Variants in PTPRK observed in about 807,000 individuals in gnomAD.
PTPRK encodes receptor-type tyrosine-protein phosphatase kappa.
PTPRK carries 75 observed loss-of-function variants against 178.0 expected under a neutral mutation model. The ratio of observed to expected loss-of-function variants is 0.42; its 90% CI spans 0.35 to 0.51. The LOEUF (loss-of-function observed/expected upper bound fraction) is 0.51. Among genes scored for constraint, PTPRK ranks in the 20% least tolerant of loss-of-function variants. PTPRK has a pLI of 0.02. For synonymous variants in PTPRK, 637 were observed against 620.6 expected (o/e 1.03, Z -0.39); for missense variants, 1,441 against 1,797.8 (o/e 0.80, Z 3.59).
chr6:128,165,745 T>C (rs1394968010), intron 7 of PTPRK, among the ~76,000 whole-genome samples: 2 of 151,352 alleles, frequency 1.3e-5, no homozygotes, highest in African/African-American at 2.4e-5. Context: ...GTAATAAATT[T>C]ATCATAAATT....
chr6:128,470,741 ATCTC>A (rs942671494), intron 1 of PTPRK, among the ~76,000 whole-genome samples: 2 of 143,070 alleles, frequency 1.4e-5, no homozygotes, highest in East Asian at 4.3e-4. Flanking sequence ...AAGAAACAAT[ATCTC>A]TCTCTTTTTT....
intron 2 of PTPRK, among the ~76,000 whole-genome samples, chr6:128,341,117 ATG>A (rs1400940531): frequency 1.3e-5 from 2 of 152,224 alleles, no homozygotes; most frequent in Admixed American, 6.5e-5. Context: ...TGCTTATGGT[ATG>A]TGTTATTTGC....
At chr6:128,195,908 C>G (rs1804776427) in intron 6 of PTPRK, among the ~76,000 whole-genome samples, 1 of 152,014 alleles carries the variant, frequency 6.6e-6, no homozygotes, top group Admixed American at 6.6e-5. Flanking sequence ...TAGCAATTGT[C>G]CAAAATAGCC....
At position 128,089,670 on chromosome 6, in the gene PTPRK, A is replaced by G; in HGVS notation, c.1465+20T>C. ...TTGTTAGAGAATTCCCCCCTTTTAA[A>G]CAGCAAAGTATGAGCATACCATCTT... On this transcript the variant is annotated intron_variant, in intron 8 of 29. Coordinates refer to ENST00000368226, the MANE Select transcript of PTPRK (RefSeq NM_002844.4). The G allele has an allele frequency of 6.3e-7, 1 of 1,578,534 alleles. No homozygotes were observed. The highest frequency in any genetic ancestry group is 8.7e-7 in the Non-Finnish European group (1 of 1,148,924).
intron 3 of PTPRK, among the ~76,000 whole-genome samples, chr6:128,296,685 G>T (rs1176451529): frequency 6.6e-6 from 1 of 152,098 alleles, no homozygotes; most frequent in Non-Finnish European, 1.5e-5. Context: ...GAGAGATTTT[G>T]TCACCACCAG....
At chr6:128,221,169 G>A (rs1376893671) in intron 5 of PTPRK, among the ~76,000 whole-genome samples, 1 of 152,040 alleles carries the variant, frequency 6.6e-6, no homozygotes, top group Non-Finnish European at 1.5e-5. Context: ...ATGATTTTTT[G>A]TACATTTGAA....
At chr6:128,317,325 G>T (rs1828143030) in intron 3 of PTPRK, among the ~76,000 whole-genome samples, 1 of 151,924 alleles carries the variant, frequency 6.6e-6, no homozygotes, top group African/African-American at 2.4e-5. Flanking sequence ...ATCCAGCCTA[G>T]TATCCCACTC....
At chr6:128,000,091 C>T (rs1777627460) in intron 15 of PTPRK, 1 of 954,448 alleles carries the variant, frequency 1.0e-6, no homozygotes, top group South Asian at 4.7e-5. Context: ...AAAAAAAAAA[C>T]AAATGTTTTA....
At chr6:128,012,423 G>A (rs911057091) in intron 13 of PTPRK, among the ~76,000 whole-genome samples, 9 of 151,166 alleles carry the variant, frequency 6.0e-5, no homozygotes, top group African/African-American at 1.7e-4. Context: ...TAGTGGTGGT[G>A]CCCCTGAGTT....
intron 1 of PTPRK, among the ~76,000 whole-genome samples, chr6:128,471,382 G>A (rs1372007341): frequency 6.6e-6 from 1 of 151,642 alleles, no homozygotes; most frequent in Non-Finnish European, 1.5e-5. Context: ...AAAAGTGAAT[G>A]GGCAGAAGAT....
intron 7 of PTPRK, among the ~76,000 whole-genome samples, chr6:128,093,040 T>C (rs1430151995): frequency 6.6e-6 from 1 of 152,150 alleles, no homozygotes; most frequent in Non-Finnish European, 1.5e-5. Context: ...GTAAATCGTA[T>C]TTATAACAAA....
intron 7 of PTPRK, among the ~76,000 whole-genome samples, chr6:128,117,455 AG>A (rs1386243293): frequency 1.3e-5 from 2 of 152,212 alleles, no homozygotes; most frequent in Admixed American, 6.5e-5. Context: ...CATAAACTTT[AG>A]AAGAATCTGA....
chr6:128,053,042 G>A (rs1377557465), intron 13 of PTPRK, among the ~76,000 whole-genome samples: 1 of 151,722 alleles, frequency 6.6e-6, no homozygotes, highest in Non-Finnish European at 1.5e-5. Context: ...AGAGCCCCAG[G>A]TACTTTTATT....
chr6:127,985,382 G>T (rs2114642474), intron 22 of PTPRK, among the ~76,000 whole-genome samples: 1 of 152,186 alleles, frequency 6.6e-6, no homozygotes, highest in East Asian at 1.9e-4. Context: ...TTCTAGATTG[G>T]CAAGAAATGT....
At chr6:128,339,995 A>G (rs532292867) in intron 2 of PTPRK, among the ~76,000 whole-genome samples, 1 of 152,256 alleles carries the variant, frequency 6.6e-6, no homozygotes, top group South Asian at 2.1e-4. Flanking sequence ...AATTGCTACC[A>G]TCACCCCACC....
chr6:128,062,447 A>C (rs1186606759), intron 13 of PTPRK: 2 of 167,014 alleles, frequency 1.2e-5, no homozygotes, highest in East Asian at 3.9e-4. Flanking sequence ...AGAAGAAAAT[A>C]TATTAGACCA....
chr6:128,158,280 G>A (rs374597703), intron 7 of PTPRK, among the ~76,000 whole-genome samples: 1 of 151,868 alleles, frequency 6.6e-6, no homozygotes, highest in Non-Finnish European at 1.5e-5. Context: ...GCAGGGGGGA[G>A]TGAAGGCATT....
At chr6:128,085,291 A>C (rs1785565100) in intron 8 of PTPRK, 1 of 152,238 alleles carries the variant, frequency 6.6e-6, no homozygotes, top group African/African-American at 2.4e-5. Flanking sequence ...GCTGATCCAG[A>C]CAGAGGGCCA....
Position 128,233,111 on chromosome 6 carries a change from A to G in PTPRK, c.693+6924T>C, listed in dbSNP as rs144814529. On this transcript the variant is annotated intron_variant, in intron 5 of 29. Transcript: ENST00000368226. ...TTTTCCTAAAATAAATAGTGTCAGG[A>G]TAGTAAAATCTCTTGCAGAAATTAA... Among the ~76,000 whole-genome samples, 229 of 152,352 alleles carry G rather than the reference A, an allele frequency of 1.5e-3. 2 individuals are homozygous for G. The highest frequency in any genetic ancestry group is 5.3e-3 in the African/African-American group (221 of 41,584).
Sources: allele counts gnomAD v4.1 joint callset (sites outside exome capture counted in the v4.1 genomes callset), GRCh38; gene constraint gnomAD v4.1.1; transcripts MANE v1.5; gene names NCBI Gene and HGNC (gene_info 2026-07-23, HGNC 2026-07-21).